Variants in HSPBP1 observed in about 807,000 individuals in gnomAD.
The protein encoded by HSPBP1 is HSPA (Hsp70) binding protein 1.
Under a neutral mutation model 41.7 loss-of-function variants are expected in HSPBP1, and 31 were observed. The ratio of observed to expected loss-of-function variants is 0.74; its 90% CI spans 0.56 to 1.00. The LOEUF is 1.00. HSPBP1 is among the 50% of genes least tolerant of loss of function. The pLI, the probability that HSPBP1 is intolerant of heterozygous loss-of-function variation, is 0.00. For missense variants in HSPBP1, 439 were observed against 487.9 expected (o/e 0.90, Z 0.94); for synonymous variants, 199 against 214.4 (o/e 0.93, Z 0.63).
chr19:55,278,435 C>T (rs73621370), intron 2 of HSPBP1, among the ~76,000 whole-genome samples: 2,934 of 152,210 alleles, frequency 0.019, 100 homozygotes, highest in African/African-American at 0.067. Flanking sequence ...TAGCATAATG[C>T]TCTGTATACA....
rs1030741542 is a variant in HSPBP1, at chr19:55,268,490, G to T, written c.641-2204C>A. On this transcript the variant is annotated intron_variant, in intron 4 of 7. Coordinates refer to ENST00000433386, the MANE Select transcript of HSPBP1 (RefSeq NM_012267.5). The surrounding 1 kb of genome is among the most constrained non-coding windows in gnomAD (Gnocchi z 4.5). ...ACACACACAACGTTGTTGCTCTGGC[G>T]CACTCCACACTACCCCTGAAAACTC... is the stretch of plus-strand genomic sequence containing the variant. 6.6e-6 allele frequency among the ~76,000 whole-genome samples: 1 copy of T among 151,988 alleles called. No homozygotes were observed. The highest frequency in any genetic ancestry group is 2.4e-5 in the African/African-American group (1 of 41,352).
chr19:55,268,793 C>T lies in HSPBP1; in HGVS notation c.641-2507G>A, dbSNP rs903687976. On this transcript the variant is annotated intron_variant, in intron 4 of 7. Coordinates refer to ENST00000433386, the MANE Select transcript of HSPBP1 (RefSeq NM_012267.5). This position sits in a 1 kb window ranked among gnomAD's most constrained non-coding sequence, Gnocchi z 4.5. Reference sequence around the variant, plus strand: ...AAGCAATTTTTATGCCTCAACCTACCGAGTAGCCGAGATTACAGGCATGCC... The same window carrying T: ...AAGCAATTTTTATGCCTCAACCTACTGAGTAGCCGAGATTACAGGCATGCC... Among the ~76,000 whole-genome samples the T allele has an allele frequency of 2.0e-5, 3 of 152,014 alleles. No individual in the cohort carries two copies. The highest frequency in any genetic ancestry group is 6.5e-5 in the Admixed American group (1 of 15,270).
In HSPBP1 at chr19:55,274,612, C is replaced by G. The variant is rs771093424; in HGVS notation, c.426G>C (p.Gln142His). 1 of 1,604,970 alleles carries G rather than the reference C, an allele frequency of 6.2e-7. No homozygotes were observed. Among genetic ancestry groups the G allele is most frequent in the Non-Finnish European group, 8.5e-7 (1 of 1,178,470 alleles). Residue 142 changes from glutamine to histidine, a missense_variant, in exon 4 of 8, where the codon CAG becomes CAC. Gln to His is a conservative substitution (Grantham distance 24, BLOSUM62 0). Coordinates refer to ENST00000433386, the MANE Select transcript of HSPBP1 (RefSeq NM_012267.5). The part of the protein sequence containing the change: ...ENMDNAADFC[Q>H]LSGMHLLVGR... ...CCACCAGCAGGTGCATGCCAGACAG[C>G]TGGCAGAAGTCTGTGCCACAGAGGG...
At chr19:55,274,348 C>CCCCCCCCCCCCCCCCCCA in intron 4 of HSPBP1, 50 bp downstream of exon 4, 2 of 338,384 alleles carry the variant, frequency 5.9e-6, no homozygotes, top group Non-Finnish European at 5.0e-6. Flanking sequence ...CCACCCGGCA[C>CCCCCCCCCCCCCCCCCCA]CCCCCCCCAC....
At position 55,277,617 on chromosome 19, in the gene HSPBP1, C is replaced by T. The variant is rs774807106; in HGVS notation, c.415+25G>A. 71 of 1,591,724 alleles carry T rather than the reference C, an allele frequency of 4.5e-5. 1 individual carries two copies. Among genetic ancestry groups the T allele is most frequent in the South Asian group, 9.1e-5 (8 of 87,970 alleles). On this transcript the variant is annotated intron_variant, in intron 3 of 7. Transcript: ENST00000433386. ...GCAGGACATGTACAGAGGGGCAGAACGTCCTGGCGGGGGAAGCGGGGTACC... is the reference window on the plus strand; with the variant it reads ...GCAGGACATGTACAGAGGGGCAGAATGTCCTGGCGGGGGAAGCGGGGTACC...
intron 3 of HSPBP1, 44 bp downstream of exon 3, chr19:55,277,598 C>T: frequency 6.4e-7 from 1 of 1,561,000 alleles, no homozygotes; most frequent in Non-Finnish European, 8.7e-7. Flanking sequence ...GGCAGCAGGA[C>T]ATGTACAGAG....
chr19:55,273,028 G>C (rs542606328), intron 4 of HSPBP1, among the ~76,000 whole-genome samples: 1 of 152,264 alleles, frequency 6.6e-6, no homozygotes, highest in African/African-American at 2.4e-5. Context: ...GACAGGTCTT[G>C]CTCTGTCACG....
At chr19:55,271,131 TG>T (rs927390264) in intron 4 of HSPBP1, among the ~76,000 whole-genome samples, 1 of 152,166 alleles carries the variant, frequency 6.6e-6, no homozygotes, top group African/African-American at 2.4e-5. Context: ...GGACCAGGTT[TG>T]GGGACAGGGA....
Position 55,267,954 on chromosome 19 carries a change from C to A in HSPBP1, c.641-1668G>T, listed in dbSNP as rs146721115. On this transcript the variant is annotated intron_variant, in intron 4 of 7. Coordinates refer to ENST00000433386, the MANE Select transcript of HSPBP1 (RefSeq NM_012267.5). Reference sequence around the variant, plus strand: ...TTGGAGTGCACCTCCAGTAAGGTGCCCCCTCCTGGGTAGGCTCTAGGCCTG... The same window carrying A: ...TTGGAGTGCACCTCCAGTAAGGTGCACCCTCCTGGGTAGGCTCTAGGCCTG... Among the ~76,000 whole-genome samples the A allele has an allele frequency of 9.1e-3, 1,387 of 152,268 alleles. 16 individuals are homozygous for A. The highest frequency in any genetic ancestry group is 0.027 in the African/African-American group (1,124 of 41,554).
intron 4 of HSPBP1, 51 bp downstream of exon 4, chr19:55,274,347 A>ACACCCCCCCCCCC: frequency 3.1e-6 from 1 of 325,718 alleles, no homozygotes. Context: ...CCCACCCGGC[A>ACACCCCCCCCCCC]CCCCCCCCCA....
chr19:55,279,496 T>A lies in HSPBP1; in HGVS notation c.113A>T (p.Asn38Ile), dbSNP rs200182398. Reference sequence around the variant, plus strand: ...TTGGAGGTTGCGTGGGGGCCGGGAATTGCCCGAGCCCCCAGCCGAGGAGCC... The same window carrying A: ...TTGGAGGTTGCGTGGGGGCCGGGAAATGCCCGAGCCCCCAGCCGAGGAGCC... ...GGGSSAGGSG[N>I]SRPPRNLQGL... The change falls in exon 2 of 8, where the codon AAT becomes ATT. Residue 38 changes from asparagine (N) to isoleucine (I), a missense_variant. By Grantham distance (149) the Asn-to-Ile change is moderately radical. Coordinates refer to ENST00000433386, the MANE Select transcript of HSPBP1 (RefSeq NM_012267.5). The A allele has an allele frequency of 3.7e-6, 6 of 1,601,508 alleles. No homozygotes were observed. Among genetic ancestry groups the A allele is most frequent in the Non-Finnish European group, 4.2e-6 (5 of 1,177,504 alleles).
chr19:55,270,976 A>G lies in HSPBP1; in HGVS notation c.640+3422T>C, dbSNP rs1395934939. Among the ~76,000 whole-genome samples, 1 of 151,198 alleles carries G rather than the reference A, an allele frequency of 6.6e-6. No homozygotes were observed. The highest frequency in any genetic ancestry group is 1.9e-4 in the East Asian group (1 of 5,168). ...ACGACACGCCAAACACCCCACATACACACCATACACACCCTACACACGCGC... is the reference window on the plus strand; with the variant it reads ...ACGACACGCCAAACACCCCACATACGCACCATACACACCCTACACACGCGC... On this transcript the variant is annotated intron_variant, in intron 4 of 7. Transcript: ENST00000433386. The surrounding 1 kb of genome is among the most constrained non-coding windows in gnomAD (Gnocchi z 5.4).
Position 55,274,534 on chromosome 19 carries a change from G to C in HSPBP1, c.504C>G (p.Leu168=). ...AAGLRWRAAQ[L]IGTCSQNVAA... ...CCACGTTCTGACTGCACGTGCCGAT[G>C]AGCTGTGCCGCCCGCCACCGCAGTC... Residue 168 remains leucine, a synonymous_variant, in exon 4 of 8, where the codon CTC becomes CTG. Coordinates refer to ENST00000433386, the MANE Select transcript of HSPBP1 (RefSeq NM_012267.5). 1 of 1,608,652 alleles carries C rather than the reference G, an allele frequency of 6.2e-7. No homozygotes were observed.
In HSPBP1 at chr19:55,277,731, C is replaced by A; in HGVS notation, c.326G>T (p.Gly109Val). 6.2e-7 allele frequency: 1 copy of A among 1,607,906 alleles called. No individual in the cohort carries two copies. Among genetic ancestry groups the A allele is most frequent in the Middle Eastern group, 1.7e-4 (1 of 5,740 alleles). The stretch of plus-strand genomic sequence containing the variant: ...CTGGTCGGCCGCCTGCTCGGCCTCC[C>A]CAGCAGTGGGGGGCATGGGCTGTGA... ...VLSQPMPPTA[G>V]EAEQAADQQE... is the part of the protein sequence containing the mutation. Residue 109 changes from glycine to valine, a missense_variant, in exon 3 of 8, where the codon GGG becomes GTG. Gly to Val is a moderately radical substitution (Grantham distance 109). Transcript: ENST00000433386.
intron 3 of HSPBP1, among the ~76,000 whole-genome samples, chr19:55,276,007 T>C (rs1281484477): frequency 1.1e-4 from 16 of 146,604 alleles, no homozygotes; most frequent in Non-Finnish European, 2.1e-4. Flanking sequence ...ATCCCAGCTG[T>C]TTGGGAGGCT....
chr19:55,280,162 A>C (rs1487131004), upstream of HSPBP1: 5 of 182,726 alleles, frequency 2.7e-5, no homozygotes, highest in East Asian at 3.7e-4. Flanking sequence ...TACCCACCCA[A>C]CTTCGTGCCG....
At position 55,280,097 on chromosome 19, in the gene HSPBP1, G is replaced by T; in HGVS notation, c.-157C>A. ...AAAGTCGTCCGCACCTGACTCTGCT[G>T]GGCGCCGCCATCTTAACCGGAAATA... On this transcript the variant is annotated 5_prime_UTR_variant, in exon 1 of 8. Transcript: ENST00000433386. The T allele has an allele frequency of 4.6e-6, 1 of 217,144 alleles. No individual in the cohort carries two copies. Among genetic ancestry groups the T allele is most frequent in the Admixed American group, 5.9e-5 (1 of 16,922 alleles). The allele number at this position is 217,144 out of a possible 1,614,324, so 13.5% of individuals were successfully genotyped here. A position where few individuals can be genotyped will look rare whatever the true frequency, so the allele number is the denominator to read the frequency against.
At chr19:55,276,245 C>T (rs1328839257) in intron 3 of HSPBP1, among the ~76,000 whole-genome samples, 1 of 151,914 alleles carries the variant, frequency 6.6e-6, no homozygotes, top group Non-Finnish European at 1.5e-5. Flanking sequence ...CAAATTCATA[C>T]AGCCAAAACG....
At chr19:55,265,563 T>G (rs756416877) in intron 6 of HSPBP1, among the ~76,000 whole-genome samples, 174 bp from the exon 7 acceptor site, 6 of 151,914 alleles carry the variant, frequency 3.9e-5, no homozygotes, top group Non-Finnish European at 8.8e-5. Flanking sequence ...TGGCCCAGGG[T>G]GGGTGCTGAG....
Sources: allele counts gnomAD v4.1 joint callset (sites outside exome capture counted in the v4.1 genomes callset), GRCh38; gene constraint gnomAD v4.1.1; non-coding constraint Gnocchi (gnomAD v3.1); transcripts MANE v1.5; gene names NCBI Gene and HGNC (gene_info 2026-07-23, HGNC 2026-07-21).